LRMDA: variants seen among roughly 807,000 people sequenced by gnomAD.
LRMDA encodes the protein leucine rich melanocyte differentiation associated.
A neutral mutation model predicts 29.8 loss-of-function variants in LRMDA; 18 were observed. The ratio of observed to expected loss-of-function variants is 0.60; its 90% CI spans 0.42 to 0.90. The LOEUF (loss-of-function observed/expected upper bound fraction) is 0.90, where lower values mean the gene tolerates loss of function less well. Ranked by LOEUF, LRMDA falls within the 40% of genes least tolerant of loss-of-function variation. The probability of loss-of-function intolerance (pLI) is 0.00; values close to 1 mark genes in which losing one functional copy is unlikely to be tolerated. For synonymous variants in LRMDA, 125 were observed against 109.4 expected (o/e 1.14, Z -0.89); for missense variants, 273 against 273.9 (o/e 1.00, Z 0.02).
At chr10:75,576,717 G>A (rs1410042232) in intron 2 of LRMDA, among the ~76,000 whole-genome samples, 3 of 152,176 alleles carry the variant, frequency 2.0e-5, no homozygotes, top group African/African-American at 7.2e-5. Flanking sequence ...TTGCTGTTCT[G>A]CAGCCTCTGA....
In LRMDA at chr10:76,558,013, T is replaced by C. The variant is rs905858143; in HGVS notation, c.*725T>C. 8 of 152,252 alleles carry C rather than the reference T, an allele frequency of 5.3e-5. No homozygotes were observed. Among genetic ancestry groups the C allele is most frequent in the Admixed American group, 5.2e-4 (8 of 15,276 alleles). 9.4% of individuals were successfully genotyped at this position (152,252 alleles called of 1,614,324 possible). ...CCCTAAATCCCTGACTACAAAAGCG[T>C]GGACTTTTATCTTGTTTCATTCAAC... On this transcript the variant is annotated 3_prime_UTR_variant, in exon 7 of 7. Transcript: ENST00000611255.
At chr10:75,509,359 CATATT>C (rs1248363637) in intron 2 of LRMDA, among the ~76,000 whole-genome samples, 1 of 152,226 alleles carries the variant, frequency 6.6e-6, no homozygotes, top group Non-Finnish European at 1.5e-5. Context: ...ATTCAAAACT[CATATT>C]ATGCTCAAAA....
At chr10:75,960,105 A>G (rs9415139) in intron 2 of LRMDA, among the ~76,000 whole-genome samples, 1 of 151,978 alleles carries the variant, frequency 6.6e-6, no homozygotes, top group Non-Finnish European at 1.5e-5. Context: ...TCGTGTCCAC[A>G]TGTTGCTTCA....
chr10:75,454,607 T>G (rs1455498255), intron 2 of LRMDA, among the ~76,000 whole-genome samples: 1 of 152,210 alleles, frequency 6.6e-6, no homozygotes, highest in Non-Finnish European at 1.5e-5. Flanking sequence ...CCTCCGAAAG[T>G]GCTGTGAGCC....
At chr10:75,902,722 G>C (rs1400269212) in intron 2 of LRMDA, among the ~76,000 whole-genome samples, 1 of 151,988 alleles carries the variant, frequency 6.6e-6, no homozygotes, top group Non-Finnish European at 1.5e-5. Context: ...TTGCCTTCCA[G>C]ATCTGCCTTG....
chr10:76,206,228 C>G (rs1160148258), intron 5 of LRMDA, among the ~76,000 whole-genome samples: 1 of 152,168 alleles, frequency 6.6e-6, no homozygotes, highest in African/African-American at 2.4e-5. Flanking sequence ...TCTCACTGTT[C>G]TCAGAACAGG....
At chr10:76,341,340 G>A (rs1323923434) in intron 6 of LRMDA, among the ~76,000 whole-genome samples, 1 of 152,136 alleles carries the variant, frequency 6.6e-6, no homozygotes, top group Non-Finnish European at 1.5e-5. Context: ...TAGTCTTAGG[G>A]GATTCTCCTT....
chr10:75,806,108 G>T (rs1407168453), intron 2 of LRMDA, among the ~76,000 whole-genome samples: 1 of 152,054 alleles, frequency 6.6e-6, no homozygotes, highest in Non-Finnish European at 1.5e-5. Flanking sequence ...AGGCAGGGGG[G>T]TACCACACAC....
intron 2 of LRMDA, among the ~76,000 whole-genome samples, chr10:75,710,961 A>G (rs1842428768): frequency 6.6e-6 from 1 of 152,256 alleles, no homozygotes; most frequent in South Asian, 2.1e-4. Flanking sequence ...GAAAGGCAAC[A>G]TATTTGTTCC....
chr10:75,978,620 A>G (rs1370426850), intron 2 of LRMDA, among the ~76,000 whole-genome samples: 1 of 152,220 alleles, frequency 6.6e-6, no homozygotes, highest in Non-Finnish European at 1.5e-5. Flanking sequence ...GCAGTGAACT[A>G]TCAGTGAGTT....
intron 2 of LRMDA, among the ~76,000 whole-genome samples, chr10:75,732,248 C>T (rs1263755811): frequency 2.5e-4 from 38 of 152,094 alleles, no homozygotes; most frequent in Admixed American, 2.5e-3. Flanking sequence ...TACCTAACGA[C>T]TGGGTATGCT....
chr10:75,658,031 G>A (rs1176997564), intron 2 of LRMDA, among the ~76,000 whole-genome samples: 1 of 152,004 alleles, frequency 6.6e-6, no homozygotes, highest in East Asian at 1.9e-4. Context: ...CTTCTCTCTG[G>A]CTTCACAGTG....
chr10:75,704,544 C>T (rs1224200450), intron 2 of LRMDA, among the ~76,000 whole-genome samples: 1 of 152,176 alleles, frequency 6.6e-6, no homozygotes. Context: ...TTCCTGGTGA[C>T]CTTTGTTGGC....
rs538607124 is a variant in LRMDA, at chr10:76,237,937, C to T, written c.517-86464C>T. Among the ~76,000 whole-genome samples, 33 of 151,956 alleles carry T rather than the reference C, an allele frequency of 2.2e-4. No individual in the cohort carries two copies. The Middle Eastern group carries it at 0.01, about 47-fold the overall frequency. On this transcript the variant is annotated intron_variant, in intron 5 of 6. Coordinates refer to ENST00000611255, the MANE Select transcript of LRMDA (RefSeq NM_001305581.2). ...TCCTAAGTAGCTGGGATTACAAGCA[C>T]GTGCCACCACGCCTGGCTAATTTTT... is the stretch of plus-strand genomic sequence containing the variant.
intron 5 of LRMDA, among the ~76,000 whole-genome samples, chr10:76,107,633 CT>C (rs1054902314): frequency 6.6e-5 from 10 of 152,246 alleles, no homozygotes; most frequent in Non-Finnish European, 1.0e-4. Flanking sequence ...TCTGTTAACA[CT>C]GTTTCCTCCC....
intron 2 of LRMDA, among the ~76,000 whole-genome samples, chr10:75,823,273 A>G (rs1440293839): frequency 6.6e-6 from 1 of 152,206 alleles, no homozygotes; most frequent in Non-Finnish European, 1.5e-5. Context: ...AAACAAACCA[A>G]ATAACCCATT....
In LRMDA at chr10:76,062,662, G is replaced by C. The variant is rs923279235; in HGVS notation, c.516+3879G>C. On this transcript the variant is annotated intron_variant, in intron 5 of 6. Coordinates refer to ENST00000611255, the MANE Select transcript of LRMDA (RefSeq NM_001305581.2). ...GCTTCCAGACTTTATCTCTCTGTGTGTGTGTGTGTGTGTGTGTGTGTGTGT... is the reference window on the plus strand; with the variant it reads ...GCTTCCAGACTTTATCTCTCTGTGTCTGTGTGTGTGTGTGTGTGTGTGTGT... 6.0e-3 allele frequency among the ~76,000 whole-genome samples: 883 copies of C among 148,200 alleles called. 4 individuals are homozygous for C. The highest frequency in any genetic ancestry group is 0.02 in the African/African-American group (796 of 40,022).
rs111822600 is a variant in LRMDA at position 75,589,765 on chromosome 10, A to AATATAT, written c.131+151279_131+151284dup. On this transcript the variant is annotated intron_variant, in intron 2 of 6. Transcript: ENST00000611255. ...GGAGATAGAGACCCTGTCTAAAAAA[A>AATATAT]ATATATATATATAGAGAGAGAGAGA... is the stretch of plus-strand genomic sequence containing the variant. Among the ~76,000 whole-genome samples the AATATAT allele has an allele frequency of 2.4e-3, 349 of 144,870 alleles. 2 individuals carry two copies. The highest frequency in any genetic ancestry group is 0.014 in the East Asian group (71 of 4,900).
At chr10:76,263,997 A>G (rs1839974259) in intron 5 of LRMDA, among the ~76,000 whole-genome samples, 1 of 152,176 alleles carries the variant, frequency 6.6e-6, no homozygotes, top group Non-Finnish European at 1.5e-5. Context: ...AACTACTGCC[A>G]TTTGGAAGGG....
Sources: gnomAD v4.1 joint callset for allele counts (sites outside exome capture counted in the v4.1 genomes callset) on GRCh38, gnomAD v4.1.1 for gene constraint, MANE v1.5 for transcripts, NCBI Gene and HGNC (gene_info 2026-07-23, HGNC 2026-07-21) for gene names.